The following MDFIC2 variants were observed in gnomAD, a reference collection of about 807,000 sequenced individuals.
The protein encoded by MDFIC2 is myoD family inhibitor domain-containing protein 2.
chr3:70,240,217 G>A (rs911865972), intron 2 of MDFIC2, among the ~76,000 whole-genome samples: 4 of 151,980 alleles, frequency 2.6e-5, no homozygotes, highest in African/African-American at 9.7e-5. Flanking sequence ...CTTGGTAACA[G>A]AGCCATCCTG....
At chr3:70,239,444 C>T (rs1240948352) in intron 2 of MDFIC2, among the ~76,000 whole-genome samples, 1 of 152,136 alleles carries the variant, frequency 6.6e-6, no homozygotes, top group African/African-American at 2.4e-5. Context: ...CCAAAGAGAA[C>T]ATTTCCAACT....
chr3:70,291,706 T>G (rs1233907732), intron 2 of MDFIC2: 1 of 152,192 alleles, frequency 6.6e-6, no homozygotes, highest in Non-Finnish European at 1.5e-5. Flanking sequence ...AACACAAAAC[T>G]CCTGTGAGTC....
intron 2 of MDFIC2, among the ~76,000 whole-genome samples, chr3:70,219,207 C>A (rs1244989332): frequency 6.6e-6 from 1 of 152,132 alleles, no homozygotes; most frequent in Non-Finnish European, 1.5e-5. Flanking sequence ...CTCACATCTG[C>A]AAATTTGGGT....
At chr3:70,228,578 A>C (rs527749987) in intron 2 of MDFIC2, among the ~76,000 whole-genome samples, 1 of 151,526 alleles carries the variant, frequency 6.6e-6, no homozygotes, top group South Asian at 2.1e-4. Context: ...AATGAAAGGA[A>C]AATATTTCAG....
At chr3:70,274,730 A>T (rs1024827795) in intron 2 of MDFIC2, among the ~76,000 whole-genome samples, 17 of 152,316 alleles carry the variant, frequency 1.1e-4, no homozygotes, top group Non-Finnish European at 2.2e-4. Flanking sequence ...AAACCTGCAC[A>T]TCCTGCACAT....
intron 2 of MDFIC2, among the ~76,000 whole-genome samples, chr3:70,233,986 TA>T (rs1701586132): frequency 6.6e-6 from 1 of 152,230 alleles, no homozygotes; most frequent in South Asian, 2.1e-4. Flanking sequence ...TTCTCTTGGC[TA>T]AAACTCTAGG....
intron 2 of MDFIC2, among the ~76,000 whole-genome samples, chr3:70,232,440 T>C (rs1237227790): frequency 6.6e-6 from 1 of 151,726 alleles, no homozygotes; most frequent in African/African-American, 2.4e-5. Context: ...TCTCGCTCTG[T>C]CGCCAGGCTG....
At chr3:70,224,827 C>T (rs1264120990) in intron 2 of MDFIC2, among the ~76,000 whole-genome samples, 1 of 151,974 alleles carries the variant, frequency 6.6e-6, no homozygotes, top group Non-Finnish European at 1.5e-5. Context: ...TGCAGTTTCC[C>T]CCCCCACACC....
chr3:70,284,087 T>A (rs1177371832), intron 2 of MDFIC2, among the ~76,000 whole-genome samples: 2 of 152,174 alleles, frequency 1.3e-5, no homozygotes, highest in Non-Finnish European at 2.9e-5. Context: ...TCAGTTGGAC[T>A]GGTTTTCATG....
intron 2 of MDFIC2, among the ~76,000 whole-genome samples, chr3:70,256,133 A>G (rs200961451): frequency 6.6e-6 from 1 of 152,196 alleles, no homozygotes; most frequent in East Asian, 1.9e-4. Context: ...GATTTTATCT[A>G]TTGCTTTCCC....
At chr3:70,230,592 T>C (rs563279640) in intron 2 of MDFIC2, among the ~76,000 whole-genome samples, 13 of 152,314 alleles carry the variant, frequency 8.5e-5, no homozygotes, top group Non-Finnish European at 1.9e-4. Context: ...GTTGTCTACT[T>C]ATTGTTTATT....
At chr3:70,217,314 GA>G (rs2106734061) in intron 2 of MDFIC2, among the ~76,000 whole-genome samples, 1 of 152,174 alleles carries the variant, frequency 6.6e-6, no homozygotes, top group South Asian at 2.1e-4. Context: ...GAATACTCTT[GA>G]AATAAGCATT....
rs918491535 is a variant in MDFIC2, at chr3:70,300,841, C to A, written c.88+11045G>T. ...CAGAATGTAGAGGTTTAAAGCTATACCAAATTTGGACACTCCAAGGTATTC... is the reference window on the plus strand; with the variant it reads ...CAGAATGTAGAGGTTTAAAGCTATAACAAATTTGGACACTCCAAGGTATTC... On this transcript the variant is annotated intron_variant, in intron 2 of 3. Coordinates refer to ENST00000567252, the MANE Select transcript of MDFIC2 (RefSeq NM_001364677.1). Among the ~76,000 whole-genome samples the A allele has an allele frequency of 2.6e-5, 4 of 151,860 alleles. 1 individual carries two copies. Among genetic ancestry groups the A allele is most frequent in the Non-Finnish European group, 2.9e-5 (2 of 67,948 alleles).
At chr3:70,261,587 T>C (rs1701867213) in intron 2 of MDFIC2, among the ~76,000 whole-genome samples, 1 of 152,184 alleles carries the variant, frequency 6.6e-6, no homozygotes, top group Non-Finnish European at 1.5e-5. Context: ...CCTTTTTGGT[T>C]TCCCTGACAT....
intron 2 of MDFIC2, among the ~76,000 whole-genome samples, chr3:70,289,112 C>A (rs1442891003): frequency 6.6e-6 from 1 of 151,226 alleles, no homozygotes; most frequent in Non-Finnish European, 1.5e-5. Flanking sequence ...TTGATGTTAG[C>A]TGGTGATTTT....
intron 2 of MDFIC2, among the ~76,000 whole-genome samples, chr3:70,299,923 A>C (rs1469543257): frequency 1.3e-5 from 2 of 151,970 alleles, no homozygotes; most frequent in African/African-American, 4.8e-5. Context: ...TCACACTCCC[A>C]CACACGCCCT....
At chr3:70,200,343 C>G (rs1189468101) in intron 3 of MDFIC2, among the ~76,000 whole-genome samples, 1 of 152,192 alleles carries the variant, frequency 6.6e-6, no homozygotes, top group Admixed American at 6.5e-5. Context: ...CCTACAAGCC[C>G]TTGCATGATT....
At chr3:70,203,981 A>G (rs1701267114) in intron 3 of MDFIC2, among the ~76,000 whole-genome samples, 1 of 152,158 alleles carries the variant, frequency 6.6e-6, no homozygotes, top group African/African-American at 2.4e-5. Flanking sequence ...GTAATAAAGT[A>G]ATGTTTCAGC....
intron 2 of MDFIC2, among the ~76,000 whole-genome samples, chr3:70,292,868 A>T (rs1291340548): frequency 6.6e-6 from 1 of 152,056 alleles, no homozygotes; most frequent in Non-Finnish European, 1.5e-5. Flanking sequence ...CCTTGATAGA[A>T]ATACTATATA....
Sources: allele counts gnomAD v4.1 joint callset (sites outside exome capture counted in the v4.1 genomes callset), GRCh38; gene constraint gnomAD v4.1.1; transcripts MANE v1.5; gene names NCBI Gene and HGNC (gene_info 2026-07-23, HGNC 2026-07-21).